ZNF407: variants seen among roughly 807,000 people sequenced by gnomAD.
The protein encoded by ZNF407 is zinc finger protein 407.
ZNF407 carries 17 observed loss-of-function variants against 131.2 expected under a neutral mutation model. The observed-to-expected ratio is 0.13, with a 90% confidence interval of 0.09 to 0.19. ZNF407 has a LOEUF of 0.19. Among genes scored for constraint, ZNF407 ranks in the 10% least tolerant of loss-of-function variants. The pLI, the probability that ZNF407 is intolerant of heterozygous loss-of-function variation, is 1.00. For missense variants in ZNF407, 2,681 were observed against 2,830.6 expected (o/e 0.95, Z 1.20); for synonymous variants, 1,156 against 1,062.0 (o/e 1.09, Z -1.72).
intron 7 of ZNF407, among the ~76,000 whole-genome samples, chr18:74,891,048 T>C (rs760461638): frequency 4.3e-4 from 66 of 151,898 alleles, no homozygotes; most frequent in Non-Finnish European, 1.9e-4. Flanking sequence ...TGCAGAAGAG[T>C]GTGAGATAGA....
At chr18:74,761,087 C>T (rs1170174554) in intron 3 of ZNF407, among the ~76,000 whole-genome samples, 1 of 152,074 alleles carries the variant, frequency 6.6e-6, no homozygotes, top group Non-Finnish European at 1.5e-5. Flanking sequence ...TATAGTACTG[C>T]CAACCTTTTA....
chr18:74,965,691 G>C (rs1172442286), intron 8 of ZNF407, among the ~76,000 whole-genome samples: 1 of 152,164 alleles, frequency 6.6e-6, no homozygotes, highest in Non-Finnish European at 1.5e-5. Flanking sequence ...CAGTGGGATT[G>C]CTGGATTATA....
intron 7 of ZNF407, among the ~76,000 whole-genome samples, chr18:74,918,546 A>G (rs1971803477): frequency 6.6e-6 from 1 of 152,150 alleles, no homozygotes; most frequent in Admixed American, 6.5e-5. Flanking sequence ...AAGTTTGACA[A>G]TTCGGTAGTG....
chr18:74,924,640 C>T (rs879083637), intron 8 of ZNF407, among the ~76,000 whole-genome samples: 2 of 152,102 alleles, frequency 1.3e-5, no homozygotes, highest in Non-Finnish European at 2.9e-5. Flanking sequence ...TTTGCAACAC[C>T]AGTGGCCTGC....
At chr18:75,021,522 C>T (rs1344894261) in intron 8 of ZNF407, among the ~76,000 whole-genome samples, 2 of 152,044 alleles carry the variant, frequency 1.3e-5, no homozygotes, top group African/African-American at 4.8e-5. Context: ...CTCCTGCTTC[C>T]ACCTCCCAAA....
chr18:74,631,407 G>A lies in ZNF407; in HGVS notation c.388G>A (p.Ala130Thr). ...AGTTGGAGGCACATGTCTCCCAAAT[G>A]CCCTCTCCCCTTCTTGCAATTTTAG... is the stretch of plus-strand genomic sequence containing the variant. ...CTVGGTCLPN[A>T]LSPSCNFSTI... Residue 130 changes from alanine to threonine, a missense_variant, in exon 2 of 9, where the codon GCC becomes ACC. By Grantham distance (58) the Ala-to-Thr change is moderately conservative. Coordinates refer to ENST00000299687, the MANE Select transcript of ZNF407 (RefSeq NM_017757.3). 6.2e-7 allele frequency: 1 copy of A among 1,613,926 alleles called. No individual in the cohort carries two copies. Among genetic ancestry groups the A allele is most frequent in the Non-Finnish European group, 8.5e-7 (1 of 1,179,870 alleles).
chr18:74,739,138 G>A (rs145671149), intron 3 of ZNF407, among the ~76,000 whole-genome samples: 404 of 150,732 alleles, frequency 2.7e-3, no homozygotes, highest in African/African-American at 9.3e-3. Context: ...CTAAAGATGT[G>A]GTATACATCT....
At chr18:74,691,163 C>T (rs1398883417) in intron 3 of ZNF407, among the ~76,000 whole-genome samples, 1 of 152,014 alleles carries the variant, frequency 6.6e-6, no homozygotes, top group Admixed American at 6.6e-5. Context: ...CCTGTAATCC[C>T]AGCTACTCGG....
At chr18:74,879,133 G>C (rs901634005) in intron 5 of ZNF407, among the ~76,000 whole-genome samples, 1 of 152,150 alleles carries the variant, frequency 6.6e-6, no homozygotes, top group African/African-American at 2.4e-5. Flanking sequence ...ATATATGTAA[G>C]TATGCAGCAT....
At chr18:74,688,775 G>A (rs1467833184) in intron 3 of ZNF407, among the ~76,000 whole-genome samples, 1 of 152,158 alleles carries the variant, frequency 6.6e-6, no homozygotes, top group Non-Finnish European at 1.5e-5. Flanking sequence ...CTACAGGACA[G>A]CTTAGAGGGA....
intron 8 of ZNF407, among the ~76,000 whole-genome samples, chr18:74,970,022 G>A (rs1972454364): frequency 6.6e-6 from 1 of 152,118 alleles, no homozygotes; most frequent in Non-Finnish European, 1.5e-5. Flanking sequence ...GGGGTGAAAG[G>A]CACTTCTTTC....
Position 74,874,505 on chromosome 18 carries a change from AGGCGAGGAAGAGTCACAGCC to A in ZNF407, c.4878-2672_4878-2653del, listed in dbSNP as rs1165475430. ...GAGGGGCATCTCCTTGGGGGGTGGC[AGGCGAGGAAGAGTCACAGCC>A]GGCGAGGAAGAGTCACAGCTGTTGA... On this transcript the variant is annotated intron_variant, in intron 4 of 8. Coordinates refer to ENST00000299687, the MANE Select transcript of ZNF407 (RefSeq NM_017757.3). Among the ~76,000 whole-genome samples the A allele has an allele frequency of 3.5e-4, 54 of 152,258 alleles. No individual in the cohort carries two copies. In the East Asian group the frequency reaches 5.4e-3, roughly 15 times the overall value.
intron 3 of ZNF407, among the ~76,000 whole-genome samples, chr18:74,738,016 T>TA (rs765407671): frequency 5.9e-5 from 9 of 152,124 alleles, no homozygotes; most frequent in Non-Finnish European, 1.0e-4. Flanking sequence ...AGATAAGTGT[T>TA]AGAGTACAAT....
chr18:74,898,309 T>G (rs1354709312), intron 7 of ZNF407: 1 of 152,230 alleles, frequency 6.6e-6, no homozygotes, highest in Non-Finnish European at 1.5e-5. Flanking sequence ...GTCTTCTTAA[T>G]TAGGGAATGT....
intron 4 of ZNF407, among the ~76,000 whole-genome samples, chr18:74,782,580 CTCTTCTT>C (rs1969625456): frequency 6.6e-6 from 1 of 151,624 alleles, no homozygotes; most frequent in Non-Finnish European, 1.5e-5. Context: ...CTTCTCTTCT[CTCTTCTT>C]TCTTCCTGTT....
chr18:74,686,759 A>C (rs1006075584), intron 3 of ZNF407, among the ~76,000 whole-genome samples: 1 of 152,218 alleles, frequency 6.6e-6, no homozygotes, highest in Non-Finnish European at 1.5e-5. Flanking sequence ...TTCATGATAA[A>C]GTATGTTTGG....
Position 74,805,378 on chromosome 18 carries a change from C to T in ZNF407, c.4877+23876C>T, listed in dbSNP as rs575808416. On this transcript the variant is annotated intron_variant, in intron 4 of 8. Coordinates refer to ENST00000299687, the MANE Select transcript of ZNF407 (RefSeq NM_017757.3). ...TTTCTGCTTTCTGCTCCTAAATTCT[C>T]CAGTTGAACTGTCACAATAGTCTGA... is the stretch of plus-strand genomic sequence containing the variant. 3.3e-4 allele frequency among the ~76,000 whole-genome samples: 50 copies of T among 152,240 alleles called. 1 individual carries two copies. The highest frequency in any genetic ancestry group is 1.1e-3 in the African/African-American group (47 of 41,554).
At chr18:74,885,385 T>G (rs1413650579) in intron 6 of ZNF407, among the ~76,000 whole-genome samples, 2 of 152,222 alleles carry the variant, frequency 1.3e-5, no homozygotes, top group East Asian at 3.8e-4. Context: ...GTACCATGTT[T>G]ATAGATCAGA....
chr18:74,752,964 G>A (rs1180113643), intron 3 of ZNF407, among the ~76,000 whole-genome samples: 1 of 152,156 alleles, frequency 6.6e-6, no homozygotes, highest in Non-Finnish European at 1.5e-5. Context: ...ATTACCTTGG[G>A]CAGTATGGCC....
Sources: gnomAD v4.1 joint callset for allele counts (sites outside exome capture counted in the v4.1 genomes callset) on GRCh38, gnomAD v4.1.1 for gene constraint, MANE v1.5 for transcripts, NCBI Gene and HGNC (gene_info 2026-07-23, HGNC 2026-07-21) for gene names.